Variants in ZEB1 observed in about 807,000 individuals in gnomAD.
ZEB1 encodes the protein zinc finger E-box binding homeobox 1, also known as zinc finger E-box-binding homeobox 1.
ZEB1 carries 21 observed loss-of-function variants against 84.9 expected under a neutral mutation model. The observed-to-expected ratio is 0.25, with a 90% CI of 0.18 to 0.36. The LOEUF (loss-of-function observed/expected upper bound fraction) is 0.36, where lower values mean the gene tolerates loss of function less well. Among genes scored for constraint, ZEB1 ranks in the 10% least tolerant of loss-of-function variants. The pLI is 1.00. For missense variants in ZEB1, 1,104 were observed against 1,330.2 expected, an observed-to-expected ratio of 0.83 and a Z score of 2.65; for synonymous variants, 420 against 471.1, an observed-to-expected ratio of 0.89 and a Z score of 1.41.
intron 1 of ZEB1, among the ~76,000 whole-genome samples, chr10:31,398,322 A>G (rs2051213058): frequency 6.6e-6 from 1 of 152,044 alleles, no homozygotes; most frequent in Non-Finnish European, 1.5e-5. Flanking sequence ...GCTTCTTTGT[A>G]TTATATTTTA....
At chr10:31,407,511 T>C (rs1332631111) in intron 1 of ZEB1, among the ~76,000 whole-genome samples, 1 of 151,994 alleles carries the variant, frequency 6.6e-6, no homozygotes, top group Admixed American at 6.6e-5. Context: ...GACATTTGGG[T>C]TGGTTCCAAG....
intron 1 of ZEB1, among the ~76,000 whole-genome samples, chr10:31,346,612 A>G (rs1301858211): frequency 6.6e-6 from 1 of 151,806 alleles, no homozygotes. Context: ...GTCCTTTTCT[A>G]TCATGTCTTG....
chr10:31,474,955 G>T (rs1001169792), intron 2 of ZEB1, among the ~76,000 whole-genome samples: 1,598 of 151,160 alleles, frequency 0.011, 28 homozygotes, highest in African/African-American at 0.037. Context: ...GTAAACTATC[G>T]CAAGAACAAA....
chr10:31,330,760 A>T (rs913377819), intron 1 of ZEB1, among the ~76,000 whole-genome samples: 2 of 151,974 alleles, frequency 1.3e-5, no homozygotes, highest in Non-Finnish European at 2.9e-5. Flanking sequence ...GGTTTATTAT[A>T]TTTATTTCTT....
chr10:31,362,917 C>A lies in ZEB1; in HGVS notation c.58+43625C>A, dbSNP rs559889043. The stretch of plus-strand genomic sequence containing the variant: ...CACTCTCATGTTCTTACGCATGTTG[C>A]CATGCTGGAGGCGTCCTTCTCTTTG... On this transcript the variant is annotated intron_variant, in intron 1 of 8. Coordinates refer to ENST00000424869, the MANE Select transcript of ZEB1 (RefSeq NM_001174096.2). 7 of 1,494,438 alleles carry A rather than the reference C, an allele frequency of 4.7e-6. No individual in the cohort carries two copies. In the East Asian group the frequency reaches 1.7e-4, roughly 37 times the overall value. The allele number at this position is 1,494,438 out of a possible 1,614,324, so 92.6% of individuals were successfully genotyped here. A position where few individuals can be genotyped will look rare whatever the true frequency, so the allele number is the denominator to read the frequency against.
At chr10:31,319,388 A>T (rs1269584230) in intron 1 of ZEB1, 96 bp downstream of exon 1, 1 of 1,261,126 alleles carries the variant, frequency 7.9e-7, no homozygotes, top group Non-Finnish European at 1.1e-6. Flanking sequence ...GGCTGGGGGC[A>T]GCCGGGGCAG....
intron 8 of ZEB1, among the ~76,000 whole-genome samples, chr10:31,525,261 T>C (rs961539598): frequency 7.9e-5 from 12 of 152,196 alleles, no homozygotes; most frequent in African/African-American, 2.4e-4. Flanking sequence ...AAGCCTTTAA[T>C]ACTCACTACC....
At position 31,468,793 on chromosome 10, in the gene ZEB1, G is replaced by A. The variant is rs112079369; in HGVS notation, c.259+7556G>A. ...CGAAAAATAATCCCACCCAAATGAA[G>A]ATAAATCCAAAAATAATAAGTGCCA... On this transcript the variant is annotated intron_variant, in intron 2 of 8. Coordinates refer to ENST00000424869, the MANE Select transcript of ZEB1 (RefSeq NM_001174096.2). 6.8e-4 allele frequency among the ~76,000 whole-genome samples: 104 copies of A among 152,146 alleles called. 2 individuals are homozygous for A. Among genetic ancestry groups the A allele is most frequent in the African/African-American group, 2.4e-3 (101 of 41,496 alleles).
intron 2 of ZEB1, among the ~76,000 whole-genome samples, chr10:31,466,423 A>G (rs981129675): frequency 6.6e-6 from 1 of 152,264 alleles, no homozygotes; most frequent in Admixed American, 6.5e-5. Context: ...TTTTCTGTCA[A>G]CAGTGGCATG....
intron 1 of ZEB1, among the ~76,000 whole-genome samples, chr10:31,343,065 T>C (rs2039684003): frequency 6.6e-6 from 1 of 152,182 alleles, no homozygotes; most frequent in Non-Finnish European, 1.5e-5. Flanking sequence ...TCTAAATCTT[T>C]AGCCACTGGC....
At chr10:31,486,215 GAAGTT>G (rs974420644) in intron 2 of ZEB1, among the ~76,000 whole-genome samples, 1 of 151,724 alleles carries the variant, frequency 6.6e-6, no homozygotes, top group African/African-American at 2.4e-5. Context: ...TTTGGGGGGT[GAAGTT>G]AAGTTTTCAT....
chr10:31,508,184 G>A (rs943121802), intron 4 of ZEB1, among the ~76,000 whole-genome samples: 4 of 152,244 alleles, frequency 2.6e-5, no homozygotes, highest in South Asian at 4.1e-4. Context: ...TGGTAGTAAC[G>A]GGCTTACAGT....
At chr10:31,370,253 T>C (rs1175347949) in intron 1 of ZEB1, among the ~76,000 whole-genome samples, 3 of 152,164 alleles carry the variant, frequency 2.0e-5, no homozygotes, top group Non-Finnish European at 4.4e-5. Context: ...TCTACTGATA[T>C]CCATATGGCA....
Position 31,362,954 on chromosome 10 carries a change from C to T in ZEB1, c.58+43662C>T, listed in dbSNP as rs1476562706. On this transcript the variant is annotated intron_variant, in intron 1 of 8. Transcript: ENST00000424869. ...CGTCCTTCTCTTTGGGAAGCCTGACCCACCAACAGTGCCTCAGGAGATAGA... is the reference window on the plus strand; with the variant it reads ...CGTCCTTCTCTTTGGGAAGCCTGACTCACCAACAGTGCCTCAGGAGATAGA... The T allele has an allele frequency of 1.2e-5, 18 of 1,533,602 alleles. No individual in the cohort carries two copies. The South Asian group carries it at 2.0e-4, about 17-fold the overall frequency. 95.0% of individuals were successfully genotyped at this position (1,533,602 alleles called of 1,614,324 possible). A position where few individuals can be genotyped will look rare whatever the true frequency, so the allele number is the denominator to read the frequency against.
At chr10:31,330,682 C>T (rs2036546599) in intron 1 of ZEB1, among the ~76,000 whole-genome samples, 1 of 152,110 alleles carries the variant, frequency 6.6e-6, no homozygotes, top group African/African-American at 2.4e-5. Context: ...TATTTTACCT[C>T]CTCACTTTGT....
At chr10:31,450,208 A>G (rs1428429243) in intron 1 of ZEB1, among the ~76,000 whole-genome samples, 1 of 152,254 alleles carries the variant, frequency 6.6e-6, no homozygotes, top group Non-Finnish European at 1.5e-5. Flanking sequence ...ACCAAGATAT[A>G]GCTTTTCATT....
At chr10:31,390,076 A>G (rs4749672) in intron 1 of ZEB1, among the ~76,000 whole-genome samples, 4,371 of 152,330 alleles carry the variant, frequency 0.029, 107 homozygotes, top group Admixed American at 0.054. Flanking sequence ...AAACAAAACA[A>G]AACAGGATGT....
chr10:31,463,129 G>C (rs1031003628), intron 2 of ZEB1, among the ~76,000 whole-genome samples: 1 of 152,058 alleles, frequency 6.6e-6, no homozygotes, highest in Non-Finnish European at 1.5e-5. Context: ...CCTGAATTAC[G>C]TAGTTGATCC....
chr10:31,446,039 C>G (rs1221876762), intron 1 of ZEB1, among the ~76,000 whole-genome samples: 1 of 137,196 alleles, frequency 7.3e-6, no homozygotes, highest in East Asian at 2.2e-4. Context: ...GTGAATCCAT[C>G]TGGTCCTGGA....
Sources: gnomAD v4.1 joint callset for allele counts (sites outside exome capture counted in the v4.1 genomes callset) on GRCh38, gnomAD v4.1.1 for gene constraint, MANE v1.5 for transcripts, NCBI Gene and HGNC (gene_info 2026-07-23, HGNC 2026-07-21) for gene names.